CNGB1: variants seen among roughly 807,000 people sequenced by gnomAD.
The protein encoded by CNGB1 is cyclic nucleotide gated channel subunit beta 1.
A neutral mutation model predicts 151.7 loss-of-function variants in CNGB1; 126 were observed. The observed-to-expected ratio is 0.83, with a 90% CI of 0.72 to 0.96. The LOEUF (loss-of-function observed/expected upper bound fraction) is 0.96. Among genes scored for constraint, CNGB1 ranks in the 40% least tolerant of loss-of-function variants. The pLI is 0.00. For synonymous variants in CNGB1, 623 were observed against 635.1 expected (o/e 0.98, Z 0.29); for missense variants, 1,698 against 1,627.0 (o/e 1.04, Z -0.75).
At chr16:57,896,291 G>A (rs8057528) in intron 31 of CNGB1, among the ~76,000 whole-genome samples, 16,390 of 152,102 alleles carry the variant, frequency 0.11, 966 homozygotes, top group Middle Eastern at 0.2. Flanking sequence ...AAATGGCATC[G>A]TGCGCCTCTC....
intron 10 of CNGB1, among the ~76,000 whole-genome samples, chr16:57,959,595 C>T (rs1458705469): frequency 2.4e-5 from 3 of 125,348 alleles, no homozygotes; most frequent in Non-Finnish European, 3.5e-5. Flanking sequence ...GAGCGAGACT[C>T]GGTCTCAAAA....
At chr16:57,899,671 T>C (rs991430453) in intron 29 of CNGB1, among the ~76,000 whole-genome samples, 1 of 151,666 alleles carries the variant, frequency 6.6e-6, no homozygotes, top group African/African-American at 2.4e-5. Context: ...AATAAATAAA[T>C]AAGGGGTGGG....
At chr16:57,936,600 C>G (rs1011569121) in intron 16 of CNGB1, among the ~76,000 whole-genome samples, 7 of 152,072 alleles carry the variant, frequency 4.6e-5, no homozygotes, top group Non-Finnish European at 4.4e-5. Flanking sequence ...TGAGACCAGC[C>G]TGGCCAACAT....
intron 20 of CNGB1, among the ~76,000 whole-genome samples, chr16:57,917,999 C>T (rs1405344200): frequency 6.6e-6 from 1 of 151,166 alleles, no homozygotes; most frequent in African/African-American, 2.4e-5. Context: ...GTAAATAATG[C>T]ATGAAGGATG....
intron 16 of CNGB1, among the ~76,000 whole-genome samples, chr16:57,936,418 C>G (rs1253409298): frequency 6.6e-6 from 1 of 152,212 alleles, no homozygotes; most frequent in Non-Finnish European, 1.5e-5. Flanking sequence ...GAGCAAGTGA[C>G]TTGTTTAAAC....
At chr16:57,967,877 C>A (rs1433806402) in intron 1 of CNGB1, among the ~76,000 whole-genome samples, 1 of 151,860 alleles carries the variant, frequency 6.6e-6, no homozygotes, top group African/African-American at 2.4e-5. Flanking sequence ...CTGGTTGCAA[C>A]AATGTTATAG....
chr16:57,888,980 T>C (rs1428163950), intron 31 of CNGB1, among the ~76,000 whole-genome samples: 3 of 152,196 alleles, frequency 2.0e-5, no homozygotes, highest in African/African-American at 7.2e-5. Context: ...CAGTGGCTCC[T>C]ATTACCCCCT....
chr16:57,884,875 A>G (rs2149350480), intron 32 of CNGB1, among the ~76,000 whole-genome samples: 1 of 152,244 alleles, frequency 6.6e-6, no homozygotes, highest in South Asian at 2.1e-4. Context: ...GGAGTGGATG[A>G]GAAAAACTCC....
At chr16:57,932,570 T>TTTTTG (rs549268462) in intron 16 of CNGB1, among the ~76,000 whole-genome samples, 710 of 150,812 alleles carry the variant, frequency 4.7e-3, no homozygotes, top group Non-Finnish European at 6.8e-3. Context: ...GCCCGGCTAG[T>TTTTTG]TTTTGTTTTG....
intron 14 of CNGB1, among the ~76,000 whole-genome samples, chr16:57,948,375 G>A (rs1257451501): frequency 6.8e-6 from 1 of 147,544 alleles, no homozygotes; most frequent in Non-Finnish European, 1.5e-5. Context: ...GGCTGGTCTC[G>A]AACTCCTGGG....
Position 57,912,060 on chromosome 16 carries a change from G to A in CNGB1, c.2370-185C>T, listed in dbSNP as rs149177625. The stretch of plus-strand genomic sequence containing the variant: ...ATGACCTGGGGCTAGGATTGGAACA[G>A]AGGTAGCAGAGCTGACTGTGCACTG... On this transcript the variant is annotated intron_variant, in intron 24 of 32. Transcript: ENST00000251102. Among the ~76,000 whole-genome samples, 319 of 152,296 alleles carry A rather than the reference G, an allele frequency of 2.1e-3. 1 individual carries two copies. The highest frequency in any genetic ancestry group is 6.1e-3 in the African/African-American group (255 of 41,548).
At chr16:57,949,469 C>A in intron 13 of CNGB1, 30 bp from the exon 14 acceptor site, 1 of 1,612,926 alleles carries the variant, frequency 6.2e-7, no homozygotes. Context: ...AGGAGGTGAG[C>A]CCACCCGAAG....
intron 16 of CNGB1, among the ~76,000 whole-genome samples, chr16:57,938,643 TG>T (rs149384557): frequency 0.034 from 5,168 of 152,288 alleles, 294 homozygotes; most frequent in African/African-American, 0.12. Flanking sequence ...GTCTGTGCCT[TG>T]ACCTCTTGGC....
At chr16:57,929,417 CACA>C (rs1567382193) in intron 17 of CNGB1, among the ~76,000 whole-genome samples, 1 of 144,146 alleles carries the variant, frequency 6.9e-6, no homozygotes, top group Non-Finnish European at 1.5e-5. Flanking sequence ...GGAAGCAAGG[CACA>C]TCTTACACAG....
chr16:57,883,929 C>T lies in CNGB1; in HGVS notation c.*235G>A. On this transcript the variant is annotated 3_prime_UTR_variant, in exon 33 of 33. Transcript: ENST00000251102. ...TAGGGCTCTCAAATGATAGTGAGAG[C>T]TCAGGGACTCGAACACTTGATGCAA... 1 of 603,844 alleles carries T rather than the reference C, an allele frequency of 1.7e-6. No homozygotes were observed. Among genetic ancestry groups the T allele is most frequent in the Non-Finnish European group, 3.0e-6 (1 of 337,546 alleles). The allele number at this position is 603,844 out of a possible 1,614,324, so 37.4% of individuals were successfully genotyped here.
rs1962305332 is a variant in CNGB1, at chr16:57,963,129, C to T, written c.291-65G>A. ...CTAGCTCAATGAGGCCCTCGAGGCC[C>T]AAGACACTAGGTGAGTCTCTGTCCC... is the stretch of plus-strand genomic sequence containing the variant. On this transcript the variant is annotated intron_variant, in intron 4 of 32. Coordinates refer to ENST00000251102, the MANE Select transcript of CNGB1 (RefSeq NM_001297.5). 4.2e-6 allele frequency: 5 copies of T among 1,191,582 alleles called. No homozygotes were observed. The Admixed American group carries it at 8.4e-5, about 20-fold the overall frequency. 73.8% of individuals were successfully genotyped at this position (1,191,582 alleles called of 1,614,324 possible).
At position 57,927,777 on chromosome 16, in the gene CNGB1, C is replaced by T. The variant is rs141936795; in HGVS notation, c.1535+3939G>A. ...ACCCAGCCCAGCCTTCATTGTTTCCCTGCCCATATAAAGGGAACAGGGGTA... is the reference window on the plus strand; with the variant it reads ...ACCCAGCCCAGCCTTCATTGTTTCCTTGCCCATATAAAGGGAACAGGGGTA... On this transcript the variant is annotated intron_variant, in intron 17 of 32. Transcript: ENST00000251102. Among the ~76,000 whole-genome samples, 745 of 152,352 alleles carry T rather than the reference C, an allele frequency of 4.9e-3. 4 individuals are homozygous for T. The highest frequency in any genetic ancestry group is 0.017 in the African/African-American group (709 of 41,586).
intron 32 of CNGB1, among the ~76,000 whole-genome samples, chr16:57,887,273 C>T (rs1033586003): frequency 4.6e-5 from 7 of 152,152 alleles, no homozygotes; most frequent in African/African-American, 9.7e-5. Context: ...ATACCCTCTC[C>T]TCTAACCTCT....
chr16:57,926,043 C>T (rs1961177788), intron 17 of CNGB1, among the ~76,000 whole-genome samples: 1 of 152,140 alleles, frequency 6.6e-6, no homozygotes, highest in Non-Finnish European at 1.5e-5. Context: ...GAAATGGAAT[C>T]CACAGGCAGG....
Sources: gnomAD v4.1 joint callset for allele counts (sites outside exome capture counted in the v4.1 genomes callset) on GRCh38, gnomAD v4.1.1 for gene constraint, MANE v1.5 for transcripts, NCBI Gene and HGNC (gene_info 2026-07-23, HGNC 2026-07-21) for gene names.